The following INPP5A variants were observed in gnomAD, a reference collection of about 807,000 sequenced individuals.
INPP5A encodes 43 kDa inositol polyphosphate 5-phophatase.
In INPP5A, 14 loss-of-function variants were observed where a neutral mutation model predicts 65.2. The ratio of observed to expected loss-of-function variants is 0.21; its 90% CI spans 0.14 to 0.34. The LOEUF is 0.34. INPP5A is among the 10% of genes least tolerant of loss of function. INPP5A has a pLI of 1.00. For synonymous variants in INPP5A, 207 were observed against 208.3 expected (o/e 0.99, Z 0.05); for missense variants, 431 against 545.6 (o/e 0.79, Z 2.09).
rs566988698 is a variant in INPP5A at position 132,723,723 on chromosome 10, C to T, written c.648-3098C>T. 1.8e-3 allele frequency among the ~76,000 whole-genome samples: 267 copies of T among 152,150 alleles called. 2 individuals carry two copies. The highest frequency in any genetic ancestry group is 6.2e-3 in the African/African-American group (257 of 41,484). ...GGATGGCTTTGGTATCTTGTGGTCTCGCCTACACCTGGGCTTGGCTGGCTG... is the reference window on the plus strand; with the variant it reads ...GGATGGCTTTGGTATCTTGTGGTCTTGCCTACACCTGGGCTTGGCTGGCTG... On this transcript the variant is annotated intron_variant, in intron 8 of 15. Coordinates refer to ENST00000368594, the MANE Select transcript of INPP5A (RefSeq NM_005539.5).
intron 1 of INPP5A, among the ~76,000 whole-genome samples, chr10:132,585,591 G>A (rs2071535978): frequency 6.6e-6 from 1 of 152,172 alleles, no homozygotes; most frequent in South Asian, 2.1e-4. Flanking sequence ...AGCTACGGGG[G>A]ATGCCTGTGT....
intron 6 of INPP5A, among the ~76,000 whole-genome samples, chr10:132,702,331 CTA>C (rs1342091015): frequency 1.3e-5 from 2 of 152,106 alleles, no homozygotes; most frequent in African/African-American, 4.8e-5. Context: ...TTTATTCAGT[CTA>C]TGGATAATTA....
intron 1 of INPP5A, among the ~76,000 whole-genome samples, chr10:132,582,300 T>C (rs2485633): frequency 0.25 from 37,474 of 152,152 alleles, 5,454 homozygotes; most frequent in East Asian, 0.5. Context: ...CTGTCTACAT[T>C]TGGGTTTTTG....
intron 9 of INPP5A, among the ~76,000 whole-genome samples, chr10:132,736,442 G>T (rs562262988): frequency 6.6e-6 from 1 of 152,394 alleles, no homozygotes; most frequent in East Asian, 1.9e-4. Context: ...TCAGGTGCCA[G>T]CTGGGCCTGC....
intron 9 of INPP5A, among the ~76,000 whole-genome samples, chr10:132,734,077 G>T (rs901654936): frequency 3.3e-5 from 5 of 152,242 alleles, no homozygotes; most frequent in African/African-American, 9.6e-5. Context: ...CCGGGGCTGC[G>T]CAGGTACCTC....
intron 12 of INPP5A, among the ~76,000 whole-genome samples, chr10:132,772,571 C>G (rs560625318): frequency 9.3e-6 from 1 of 107,066 alleles, no homozygotes; most frequent in African/African-American, 3.5e-5. Flanking sequence ...GCAGCCACCC[C>G]ACGAGGAGTG....
Position 132,644,247 on chromosome 10 carries a change from A to T in INPP5A, c.118-1621A>T, listed in dbSNP as rs1373355920. Among the ~76,000 whole-genome samples the T allele has an allele frequency of 6.6e-6, 1 of 152,146 alleles. No individual in the cohort carries two copies. Among genetic ancestry groups the T allele is most frequent in the Non-Finnish European group, 1.5e-5 (1 of 68,012 alleles). Reference sequence around the variant, plus strand: ...GCCCACGCCCAGGAGGGAGGGGCCCACTCGGTGCATCCACGCAGAGGCGGC... The same window carrying T: ...GCCCACGCCCAGGAGGGAGGGGCCCTCTCGGTGCATCCACGCAGAGGCGGC... On this transcript the variant is annotated intron_variant, in intron 2 of 15. Coordinates refer to ENST00000368594, the MANE Select transcript of INPP5A (RefSeq NM_005539.5). This position sits in a 1 kb window ranked among gnomAD's most constrained non-coding sequence, Gnocchi z 6.5.
At chr10:132,657,645 C>T (rs1183268393) in intron 4 of INPP5A, among the ~76,000 whole-genome samples, 2 of 152,264 alleles carry the variant, frequency 1.3e-5, no homozygotes, top group Non-Finnish European at 2.9e-5. Flanking sequence ...CCTCCTCCTC[C>T]TCTGTGAGCT....
intron 2 of INPP5A, among the ~76,000 whole-genome samples, chr10:132,643,716 G>A (rs964240953): frequency 1.3e-5 from 2 of 152,140 alleles, no homozygotes; most frequent in Non-Finnish European, 2.9e-5. Flanking sequence ...TCGAGGTGCT[G>A]TGACCAAGGC....
Position 132,696,834 on chromosome 10 carries a change from A to G in INPP5A, c.371-982A>G, listed in dbSNP as rs548116828. Among the ~76,000 whole-genome samples the G allele has an allele frequency of 3.9e-5, 6 of 152,094 alleles. No individual in the cohort carries two copies. In the South Asian group the frequency reaches 1.0e-3, roughly 26 times the overall value. On this transcript the variant is annotated intron_variant, in intron 5 of 15. Transcript: ENST00000368594. ...ACCACAGCACCCAGGGCCGGGCCAC[A>G]CCACAGCACCCAGGGCTGGGCCAGA... is the stretch of plus-strand genomic sequence containing the variant.
chr10:132,738,399 C>T (rs1055604860), intron 9 of INPP5A, among the ~76,000 whole-genome samples: 1 of 152,224 alleles, frequency 6.6e-6, no homozygotes, highest in African/African-American at 2.4e-5. Context: ...GTCCTGCGTC[C>T]CCCTCCCTTT....
intron 1 of INPP5A, among the ~76,000 whole-genome samples, chr10:132,557,112 C>T (rs932374894): frequency 6.6e-6 from 1 of 152,214 alleles, no homozygotes; most frequent in Admixed American, 6.5e-5. Context: ...GAGATTTGGT[C>T]AGTTCCGCCT....
chr10:132,613,631 C>T (rs1287461030), intron 2 of INPP5A, among the ~76,000 whole-genome samples: 2 of 152,202 alleles, frequency 1.3e-5, no homozygotes, highest in African/African-American at 4.8e-5. Context: ...AGCGCCAATC[C>T]CCACTCTCGA....
chr10:132,667,142 T>G (rs2072815464), intron 4 of INPP5A, among the ~76,000 whole-genome samples: 1 of 152,214 alleles, frequency 6.6e-6, no homozygotes, highest in African/African-American at 2.4e-5. Flanking sequence ...AATGTAATGA[T>G]GTGCTTGTCT....
chr10:132,731,906 A>T (rs7905353), intron 9 of INPP5A, among the ~76,000 whole-genome samples: 26,120 of 152,232 alleles, frequency 0.17, 2,805 homozygotes, highest in Admixed American at 0.34. Context: ...ATTGGACACC[A>T]TGTCTTCAAC....
chr10:132,691,376 C>T (rs1015744830), intron 5 of INPP5A, among the ~76,000 whole-genome samples: 4 of 152,278 alleles, frequency 2.6e-5, no homozygotes, highest in African/African-American at 7.2e-5. Flanking sequence ...CGGCCGGTGG[C>T]GCTCTCCGCT....
At chr10:132,749,170 C>G (rs945475925) in intron 9 of INPP5A, among the ~76,000 whole-genome samples, 5 of 152,276 alleles carry the variant, frequency 3.3e-5, no homozygotes, top group African/African-American at 1.2e-4. Flanking sequence ...CGGCCATGTG[C>G]CCCCGCAGGC....
Position 132,659,449 on chromosome 10 carries a change from A to C in INPP5A, c.306+8944A>C, listed in dbSNP as rs1166591780. Among the ~76,000 whole-genome samples, 1 of 152,194 alleles carries C rather than the reference A, an allele frequency of 6.6e-6. No individual in the cohort carries two copies. Among genetic ancestry groups the C allele is most frequent in the Non-Finnish European group, 1.5e-5 (1 of 68,028 alleles). ...TGGCCATGAGGTCCCTGTGGGGTGC[A>C]TCCACGGACGCGGGTCTGGAGGCGC... On this transcript the variant is annotated intron_variant, in intron 4 of 15. Transcript: ENST00000368594. The surrounding 1 kb of genome is among the most constrained non-coding windows in gnomAD (Gnocchi z 5.5).
Position 132,637,021 on chromosome 10 carries a change from G to A in INPP5A, c.118-8847G>A, listed in dbSNP as rs1042103816. ...AAACTTCCGCCTCCCGGGTTCAAGC[G>A]ATTCTCCTGCCTCAGCCTCCCAAGT... is the stretch of plus-strand genomic sequence containing the variant. On this transcript the variant is annotated intron_variant, in intron 2 of 15. Coordinates refer to ENST00000368594, the MANE Select transcript of INPP5A (RefSeq NM_005539.5). The surrounding 1 kb of genome is among the most constrained non-coding windows in gnomAD (Gnocchi z 4.1). 1.3e-5 allele frequency among the ~76,000 whole-genome samples: 2 copies of A among 152,120 alleles called. No individual in the cohort carries two copies. The highest frequency in any genetic ancestry group is 2.1e-4 in the South Asian group (1 of 4,830).
Sources: allele counts gnomAD v4.1 joint callset (sites outside exome capture counted in the v4.1 genomes callset), GRCh38; gene constraint gnomAD v4.1.1; non-coding constraint Gnocchi (gnomAD v3.1); transcripts MANE v1.5; gene names NCBI Gene and HGNC (gene_info 2026-07-23, HGNC 2026-07-21).